SNAP29: variants seen among roughly 807,000 people sequenced by gnomAD.
The protein encoded by SNAP29 is synaptosome associated protein 29, also known as synaptosomal-associated protein 29.
A neutral mutation model predicts 27.9 loss-of-function variants in SNAP29; 13 were observed. That is an observed-to-expected ratio of 0.47 (90% confidence interval 0.30 to 0.74). The LOEUF is 0.74. SNAP29 is among the 30% of genes least tolerant of loss of function. The pLI is 0.06. For synonymous variants in SNAP29, 119 were observed against 127.1 expected, an observed-to-expected ratio of 0.94 and a Z score of 0.43; for missense variants, 368 against 336.5, an observed-to-expected ratio of 1.09 and a Z score of -0.73.
intron 2 of SNAP29, among the ~76,000 whole-genome samples, chr22:20,877,444 T>C (rs1331158968): frequency 1.3e-5 from 2 of 152,128 alleles, no homozygotes; most frequent in African/African-American, 4.8e-5. Flanking sequence ...TAATCTCAGC[T>C]ACTTGGGAGG....
At position 20,882,421 on chromosome 22, in the gene SNAP29, A is replaced by T. The variant is rs563399600; in HGVS notation, c.521-1050A>T. On this transcript the variant is annotated intron_variant, in intron 3 of 4. Transcript: ENST00000215730. ...TGGGGCCTCCTCCATAGGCCCCCACAATAGCCAGGTACATTGAAATTGGTG... is the reference window on the plus strand; with the variant it reads ...TGGGGCCTCCTCCATAGGCCCCCACTATAGCCAGGTACATTGAAATTGGTG... 3.9e-5 allele frequency among the ~76,000 whole-genome samples: 6 copies of T among 152,176 alleles called. No homozygotes were observed. The South Asian group carries it at 8.3e-4, about 21-fold the overall frequency.
rs2147871127 is a variant in SNAP29, at chr22:20,881,083, G to A, written c.469G>A (p.Glu157Lys). ...AGCTATAAGTACAAGTAAAGAACAGGAAGCAAAGTACCAGGCCAGCCACCC... is the reference window on the plus strand; with the variant it reads ...AGCTATAAGTACAAGTAAAGAACAGAAAGCAAAGTACCAGGCCAGCCACCC... ...KEAISTSKEQ[E>K]AKYQASHPNL... The change falls in exon 3 of 5, where the codon GAA (glutamate) becomes AAA (lysine). Residue 157 changes from glutamate to lysine, a missense_variant. Transcript: ENST00000215730. 6.2e-7 allele frequency: 1 copy of A among 1,613,368 alleles called. No individual in the cohort carries two copies. The highest frequency in any genetic ancestry group is 2.2e-5 in the East Asian group (1 of 44,878).
chr22:20,870,182 T>C (rs1180452359), intron 1 of SNAP29, among the ~76,000 whole-genome samples, 155 bp from the exon 2 acceptor site: 5 of 151,752 alleles, frequency 3.3e-5, no homozygotes, highest in Admixed American at 3.3e-4. Context: ...AAGGAATGTG[T>C]TGTTGGAAAG....
chr22:20,883,950 A>C (rs1928952056), intron 4 of SNAP29, among the ~76,000 whole-genome samples: 1 of 152,220 alleles, frequency 6.6e-6, no homozygotes, highest in Non-Finnish European at 1.5e-5. Context: ...TACCTGAGCC[A>C]GAAAGTGCCT....
At position 20,870,431 on chromosome 22, in the gene SNAP29, G is replaced by C. The variant is rs1277137056; in HGVS notation, c.332G>C (p.Ser111Thr). 2 of 1,614,158 alleles carry C rather than the reference G, an allele frequency of 1.2e-6. No homozygotes were observed. Among genetic ancestry groups the C allele is most frequent in the South Asian group, 2.2e-5 (2 of 91,086 alleles). ...AAGATCAGCCAGAAACACATCAATA[G>C]CATTAAGAGCGTGTTTGGGGGGCTG... The part of the protein sequence containing the change: ...DLKISQKHIN[S>T]IKSVFGGLVN... The change falls in exon 2 of 5, where the codon AGC becomes ACC. Residue 111 changes from serine to threonine, a missense_variant. Ser to Thr is a moderately conservative substitution (Grantham distance 58). Coordinates refer to ENST00000215730, the MANE Select transcript of SNAP29 (RefSeq NM_004782.4).
chr22:20,879,151 C>G (rs990484366), intron 2 of SNAP29, among the ~76,000 whole-genome samples: 1 of 152,024 alleles, frequency 6.6e-6, no homozygotes, highest in Admixed American at 6.6e-5. Flanking sequence ...ACTAAAAATA[C>G]AAAAAATTAG....
intron 2 of SNAP29, among the ~76,000 whole-genome samples, chr22:20,880,188 G>A (rs1928857947): frequency 6.6e-6 from 1 of 152,048 alleles, no homozygotes; most frequent in Non-Finnish European, 1.5e-5. Context: ...TTTGTTTTGT[G>A]TATTTTACCA....
intron 1 of SNAP29, among the ~76,000 whole-genome samples, chr22:20,860,720 AAC>A (rs1928285866): frequency 6.6e-6 from 1 of 152,074 alleles, no homozygotes; most frequent in African/African-American, 2.4e-5. Flanking sequence ...CTGCTAATGA[AAC>A]AGTTTTGTTT....
chr22:20,874,574 CAAAAAAA>C (rs758177794), intron 2 of SNAP29, among the ~76,000 whole-genome samples: 1 of 98,396 alleles, frequency 1.0e-5, no homozygotes, highest in Non-Finnish European at 2.1e-5. Flanking sequence ...GACCCTATCT[CAAAAAAA>C]AAAAAAAAAA....
intron 2 of SNAP29, among the ~76,000 whole-genome samples, chr22:20,878,579 A>G (rs1325905693): frequency 6.6e-6 from 1 of 151,102 alleles, no homozygotes; most frequent in African/African-American, 2.4e-5. Context: ...CTATGTCTCA[A>G]AAAAAAAAGG....
intron 2 of SNAP29, among the ~76,000 whole-genome samples, chr22:20,873,021 G>C (rs1928635869): frequency 6.6e-6 from 1 of 151,162 alleles, no homozygotes; most frequent in Non-Finnish European, 1.5e-5. Context: ...GGAGAGATGG[G>C]GTTTCTCCAT....
chr22:20,880,147 TTGCTCA>T (rs1336288173), intron 2 of SNAP29, among the ~76,000 whole-genome samples: 1 of 152,168 alleles, frequency 6.6e-6, no homozygotes, highest in Non-Finnish European at 1.5e-5. Context: ...AGGCCATTCT[TTGCTCA>T]TGGTCATATA....
In SNAP29 at chr22:20,888,355, A is replaced by ACACACT. The variant is rs1491520721; in HGVS notation, c.*520_*521insACACTC. On this transcript the variant is annotated 3_prime_UTR_variant, in exon 5 of 5. Transcript: ENST00000215730. The stretch of plus-strand genomic sequence containing the variant: ...CACACACACACACACACACACACAC[A>ACACACT]CTCTCTGAGCACATTATCTGTGATT... The ACACACT allele has an allele frequency of 1.5e-4, 8 of 54,822 alleles. No individual in the cohort carries two copies. The highest frequency in any genetic ancestry group is 5.2e-4 in the South Asian group (2 of 3,862). The allele number at this position is 54,822 out of a possible 1,614,324, so 3.4% of individuals were successfully genotyped here.
chr22:20,864,031 T>C lies in SNAP29; in HGVS notation c.237+4684T>C, dbSNP rs114235925. Among the ~76,000 whole-genome samples, 228 of 152,280 alleles carry C rather than the reference T, an allele frequency of 1.5e-3. 2 individuals carry two copies. The highest frequency in any genetic ancestry group is 5.2e-3 in the African/African-American group (215 of 41,566). ...CCCTAATGATGAGCATTGAGGTTGT[T>C]TACACCTTTTGGTGAGTCTATTTGC... On this transcript the variant is annotated intron_variant, in intron 1 of 4. Coordinates refer to ENST00000215730, the MANE Select transcript of SNAP29 (RefSeq NM_004782.4).
chr22:20,859,485 G>A (rs1569112672), intron 1 of SNAP29, 138 bp downstream of exon 1: 2 of 717,064 alleles, frequency 2.8e-6, no homozygotes, highest in South Asian at 1.6e-5. Flanking sequence ...ACTCGATGGT[G>A]GTAACAATCT....
intron 4 of SNAP29, among the ~76,000 whole-genome samples, chr22:20,885,236 C>T (rs559451387): frequency 6.1e-4 from 93 of 152,262 alleles, no homozygotes; most frequent in Admixed American, 2.9e-3. Flanking sequence ...ACCTGGGTCA[C>T]CCTGTCAGTC....
chr22:20,863,644 C>G lies in SNAP29; in HGVS notation c.237+4297C>G, dbSNP rs902330713. 2.0e-5 allele frequency among the ~76,000 whole-genome samples: 3 copies of G among 152,136 alleles called. No individual in the cohort carries two copies. In the South Asian group the frequency reaches 6.2e-4, roughly 31 times the overall value. The stretch of plus-strand genomic sequence containing the variant: ...ACTTGTAAGCCACTCGTCTCTTTCC[C>G]TGTTTAGTAAGCATGATTTCTTCTT... On this transcript the variant is annotated intron_variant, in intron 1 of 4. Coordinates refer to ENST00000215730, the MANE Select transcript of SNAP29 (RefSeq NM_004782.4).
chr22:20,866,246 G>A (rs1489268748), intron 1 of SNAP29, among the ~76,000 whole-genome samples: 1 of 152,192 alleles, frequency 6.6e-6, no homozygotes, highest in African/African-American at 2.4e-5. Flanking sequence ...TGCACCCTAA[G>A]ACCCGATTTG....
intron 1 of SNAP29, among the ~76,000 whole-genome samples, chr22:20,866,750 T>C (rs1928469336): frequency 6.6e-6 from 1 of 152,030 alleles, no homozygotes; most frequent in South Asian, 2.1e-4. Flanking sequence ...CCACCCCAAC[T>C]CTTCGTTGTG....
Sources: allele counts gnomAD v4.1 joint callset (sites outside exome capture counted in the v4.1 genomes callset), GRCh38; gene constraint gnomAD v4.1.1; transcripts MANE v1.5; gene names NCBI Gene and HGNC (gene_info 2026-07-23, HGNC 2026-07-21).